The following CUX1 variants were observed in gnomAD, a reference collection of about 807,000 sequenced individuals.
CUX1 encodes the protein protein CASP.
A neutral mutation model predicts 158.8 loss-of-function variants in CUX1; 31 were observed. The observed-to-expected ratio is 0.20, with a 90% CI of 0.15 to 0.26. The LOEUF (loss-of-function observed/expected upper bound fraction) is 0.26, where lower values mean the gene tolerates loss of function less well. CUX1 is among the 10% of genes least tolerant of loss of function. The probability of loss-of-function intolerance (pLI) is 1.00; values close to 1 mark genes in which losing one functional copy is unlikely to be tolerated. For synonymous variants in CUX1, 879 were observed against 862.1 expected, an observed-to-expected ratio of 1.02 and a Z score of -0.34; for missense variants, 1,589 against 2,014.6, an observed-to-expected ratio of 0.79 and a Z score of 4.04.
Position 102,046,640 on chromosome 7 carries a change from G to A in CUX1, c.189+18495G>A, listed in dbSNP as rs1822852987. Among the ~76,000 whole-genome samples the A allele has an allele frequency of 2.9e-5, 4 of 136,428 alleles. No homozygotes were observed. In the South Asian group the frequency reaches 7.2e-4, roughly 24 times the overall value. 89.5% of individuals were successfully genotyped at this position (136,428 alleles called of 152,430 possible). Reference sequence around the variant, plus strand: ...CACCCAGGCTGGAGTGCAGTTGCACGATCACAGCTCACTGCAGCCTGGACC... The same window carrying A: ...CACCCAGGCTGGAGTGCAGTTGCACAATCACAGCTCACTGCAGCCTGGACC... On this transcript the variant is annotated intron_variant, in intron 3 of 23. Coordinates refer to ENST00000292535, the MANE Select transcript of CUX1 (RefSeq NM_181552.4).
intron 1 of CUX1, among the ~76,000 whole-genome samples, chr7:101,863,004 C>T (rs1797616839): frequency 6.6e-6 from 1 of 151,812 alleles, no homozygotes; most frequent in African/African-American, 2.4e-5. Context: ...TAATTATTTA[C>T]TTGTCGCTGG....
intron 8 of CUX1, among the ~76,000 whole-genome samples, chr7:102,121,262 G>A (rs782615847): frequency 6.6e-6 from 1 of 152,092 alleles, no homozygotes; most frequent in African/African-American, 2.4e-5. Flanking sequence ...CCACCTCCCG[G>A]GTTCAAGTGA....
intron 1 of CUX1, chr7:101,913,318 C>T: frequency 7.9e-7 from 1 of 1,258,330 alleles, no homozygotes; most frequent in Middle Eastern, 2.2e-4. Context: ...CGTGGGTTTC[C>T]CATGCCGACC....
rs970695814 is a variant in CUX1, at chr7:101,869,804, C to G, written c.31-46311C>G. On this transcript the variant is annotated intron_variant, in intron 1 of 23. Transcript: ENST00000292535. The surrounding 1 kb of genome is among the most constrained non-coding windows in gnomAD (Gnocchi z 4.5). The stretch of plus-strand genomic sequence containing the variant: ...TGGCATTTCCCAGGAATGTAAACCC[C>G]GGTTTCAGCTTTCCCCGTGGCTCCC... Among the ~76,000 whole-genome samples the G allele has an allele frequency of 2.6e-5, 4 of 152,162 alleles. No individual in the cohort carries two copies. Among genetic ancestry groups the G allele is most frequent in the African/African-American group, 9.7e-5 (4 of 41,422 alleles).
rs1792019431 is a variant in CUX1, at chr7:101,817,676, G to A, written c.30+7G>A. The A allele has an allele frequency of 6.4e-7, 1 of 1,551,552 alleles. No homozygotes were observed. Among genetic ancestry groups the A allele is most frequent in the South Asian group, 1.2e-5 (1 of 84,162 alleles). On this transcript the variant is annotated splice_region_variant and intron_variant, in intron 1 of 23. Coordinates refer to ENST00000292535, the MANE Select transcript of CUX1 (RefSeq NM_181552.4). This position sits in a 1 kb window ranked among gnomAD's most constrained non-coding sequence, Gnocchi z 4.1. The stretch of plus-strand genomic sequence containing the variant: ...AGCCGGAGCCAGGTTGAAGGTGAGC[G>A]GCGTGTGGGCCAGAAGTCCCGAGGT...
intron 3 of CUX1, among the ~76,000 whole-genome samples, chr7:102,051,528 G>A (rs1179955004): frequency 6.6e-6 from 1 of 151,958 alleles, no homozygotes; most frequent in African/African-American, 2.4e-5. Flanking sequence ...CGCAACTGTA[G>A]TCCCAGCTAC....
chr7:102,261,192 A>G (rs540634077), downstream of CUX1, among the ~76,000 whole-genome samples: 1 of 152,326 alleles, frequency 6.6e-6, no homozygotes, highest in South Asian at 2.1e-4. Context: ...GACTCTTAGA[A>G]TACCAACAGG....
intron 3 of CUX1, among the ~76,000 whole-genome samples, chr7:102,050,588 G>C (rs421154): frequency 0.77 from 116,906 of 151,810 alleles, 45,275 homozygotes; most frequent in East Asian, 0.99. Flanking sequence ...ACAGGCACCT[G>C]CGTATGCCCC....
rs185816841 is a variant in CUX1 at position 101,994,494 on chromosome 7, G to A, written c.142-33604G>A. 3.0e-3 allele frequency among the ~76,000 whole-genome samples: 455 copies of A among 152,176 alleles called. 4 individuals are homozygous for A. The highest frequency in any genetic ancestry group is 0.011 in the African/African-American group (441 of 41,536). The stretch of plus-strand genomic sequence containing the variant: ...CACACGCCTGTAATCCCAGCTACTC[G>A]GGAGGCTGAGGCAGGAGAATCGCTT... On this transcript the variant is annotated intron_variant, in intron 2 of 23. Transcript: ENST00000292535.
downstream of CUX1, among the ~76,000 whole-genome samples, chr7:102,262,395 CATGGATGG>C (rs55973199): frequency 7.0e-5 from 10 of 143,176 alleles, no homozygotes; most frequent in South Asian, 2.3e-4. Flanking sequence ...AAGACTCCAT[CATGGATGG>C]ATGGATGGAT....
chr7:102,090,885 A>T (rs2130843263), intron 4 of CUX1, among the ~76,000 whole-genome samples: 1 of 152,296 alleles, frequency 6.6e-6, no homozygotes. Flanking sequence ...TGACATATGC[A>T]CAGTTAGTAT....
At chr7:102,122,884 TCACATGCACACA>T (rs1832201734) in intron 8 of CUX1, among the ~76,000 whole-genome samples, 1 of 151,716 alleles carries the variant, frequency 6.6e-6, no homozygotes, top group Admixed American at 6.6e-5. Flanking sequence ...CTTACAGACG[TCACATGCACACA>T]CACAGGCTCA....
intron 1 of CUX1, among the ~76,000 whole-genome samples, chr7:101,844,471 TTCCCCTGTTTTCTTTTTGCACAG>T (rs1419985106): frequency 6.6e-6 from 1 of 152,214 alleles, no homozygotes; most frequent in African/African-American, 2.4e-5. Context: ...ACCCAGATTA[TTCCCCTGTTTTCTTTTTGCACAG>T]AGAGTCACGG....
At chr7:102,275,923 C>T (rs572185125) in intron 17 of CUX1, among the ~76,000 whole-genome samples, 2 of 151,418 alleles carry the variant, frequency 1.3e-5, no homozygotes, top group Non-Finnish European at 1.5e-5. Context: ...GCAGGAGGAT[C>T]GCTTGAACCT....
chr7:102,243,223 A>G (rs1288640804), intron 23 of CUX1, among the ~76,000 whole-genome samples: 2 of 152,100 alleles, frequency 1.3e-5, no homozygotes, highest in Admixed American at 1.3e-4. Context: ...GCAGTGAGCC[A>G]TGATCATACC....
At position 102,185,628 on chromosome 7, in the gene CUX1, C is replaced by T. The variant is rs1430802145; in HGVS notation, c.1018-4185C>T. Among the ~76,000 whole-genome samples the T allele has an allele frequency of 1.0e-4, 15 of 148,182 alleles. No individual in the cohort carries two copies. The East Asian group carries it at 2.4e-3, about 23-fold the overall frequency. On this transcript the variant is annotated intron_variant, in intron 11 of 23. Coordinates refer to ENST00000292535, the MANE Select transcript of CUX1 (RefSeq NM_181552.4). ...TTTTGTTTTTTTTTTTTGGTAGAGA[C>T]GGGGTCTTGCTATGTTGTCGTGCTT...
intron 1 of CUX1, among the ~76,000 whole-genome samples, chr7:101,908,715 A>T (rs972358264): frequency 1.1e-4 from 16 of 152,212 alleles, no homozygotes; most frequent in African/African-American, 3.9e-4. Flanking sequence ...ATTTACTTGA[A>T]CCATCCCTGG....
intron 2 of CUX1, among the ~76,000 whole-genome samples, chr7:101,974,074 C>A (rs1812355609): frequency 7.1e-6 from 1 of 139,902 alleles, no homozygotes; most frequent in Admixed American, 7.2e-5. Flanking sequence ...GGCCCAGATT[C>A]TTTTTTTTTT....
chr7:102,223,783 A>G (rs536478030), intron 20 of CUX1, among the ~76,000 whole-genome samples: 5 of 152,334 alleles, frequency 3.3e-5, no homozygotes, highest in African/African-American at 1.2e-4. Flanking sequence ...AGCCTGGCCA[A>G]CATTGTGAAA....
Sources: gnomAD v4.1 joint callset for allele counts (sites outside exome capture counted in the v4.1 genomes callset) on GRCh38, gnomAD v4.1.1 for gene constraint, Gnocchi (gnomAD v3.1) non-coding constraint, MANE v1.5 for transcripts, NCBI Gene and HGNC (gene_info 2026-07-23, HGNC 2026-07-21) for gene names.